F3: variants seen among roughly 807,000 people sequenced by gnomAD.
F3 encodes the protein coagulation factor III, tissue factor, also known as tissue factor.
F3 carries 18 observed loss-of-function variants against 33.5 expected under a neutral mutation model. That is an observed-to-expected ratio of 0.54 (90% CI 0.37 to 0.80). The LOEUF (loss-of-function observed/expected upper bound fraction) is 0.80, where lower values mean the gene tolerates loss of function less well. Ranked by LOEUF, F3 falls within the 30% of genes least tolerant of loss-of-function variation. The pLI is 0.00. For synonymous variants in F3, 147 were observed against 140.7 expected, an observed-to-expected ratio of 1.05 and a Z score of -0.32; for missense variants, 353 against 362.1, an observed-to-expected ratio of 0.97 and a Z score of 0.20.
intron 2 of F3, among the ~76,000 whole-genome samples, chr1:94,537,701 G>A (rs1651655242): frequency 6.6e-6 from 1 of 152,128 alleles, no homozygotes; most frequent in African/African-American, 2.4e-5. Flanking sequence ...AGGCCAAAAG[G>A]ATTTGGGTAA....
intron 2 of F3, among the ~76,000 whole-genome samples, chr1:94,536,604 T>G (rs953772745): frequency 6.6e-6 from 1 of 152,200 alleles, no homozygotes; most frequent in African/African-American, 2.4e-5. Flanking sequence ...GGATCTGTAC[T>G]CAACCATTTT....
intron 1 of F3, chr1:94,540,702 AAG>A (rs1182391574): frequency 1.3e-5 from 3 of 227,944 alleles, no homozygotes; most frequent in Non-Finnish European, 2.5e-5. Flanking sequence ...TCAGCTCAGG[AAG>A]AGTCAGGTTC....
intron 3 of F3, among the ~76,000 whole-genome samples, chr1:94,535,665 C>T (rs1248433307): frequency 1.3e-5 from 2 of 151,980 alleles, no homozygotes; most frequent in Non-Finnish European, 2.9e-5. Flanking sequence ...CCTATCCCTA[C>T]CCGCTTCCCT....
At position 94,541,592 on chromosome 1, in the gene F3, G is replaced by T; in HGVS notation, c.45C>A (p.Ala15=). ...AWPRVPRPET[A]VARTLLLGWV... ...AGCCGAGCAGGAGCGTCCGAGCGAC[G>T]GCGGTCTCGGGGCGCGGGACCCGGG... The change falls in exon 1 of 6, where the codon GCC becomes GCA. Residue 15 remains alanine (A), a synonymous_variant. Transcript: ENST00000334047. 6.8e-7 allele frequency: 1 copy of T among 1,471,678 alleles called. No homozygotes were observed. The highest frequency in any genetic ancestry group is 9.0e-7 in the Non-Finnish European group (1 of 1,109,926). 91.2% of individuals were successfully genotyped at this position (1,471,678 alleles called of 1,614,324 possible).
At chr1:94,535,869 A>G (rs1651587045) in intron 3 of F3, 96 bp downstream of exon 3, 1 of 1,146,788 alleles carries the variant, frequency 8.7e-7, no homozygotes, top group Admixed American at 2.1e-5. Context: ...AAAAGAATAA[A>G]TATTTTTAAT....
chr1:94,535,470 T>C (rs1651574089), intron 3 of F3, among the ~76,000 whole-genome samples: 1 of 151,898 alleles, frequency 6.6e-6, no homozygotes, highest in Non-Finnish European at 1.5e-5. Flanking sequence ...GGCCAACTGA[T>C]TAGAAAAGGT....
At chr1:94,537,305 G>A (rs1452580802) in intron 2 of F3, among the ~76,000 whole-genome samples, 1 of 152,204 alleles carries the variant, frequency 6.6e-6, no homozygotes, top group Non-Finnish European at 1.5e-5. Context: ...CATGGAAAGT[G>A]ACAGTTATGC....
At chr1:94,536,263 A>T in intron 2 of F3, 99 bp from the exon 3 acceptor site, 1 of 1,048,446 alleles carries the variant, frequency 9.5e-7, no homozygotes, top group Non-Finnish European at 1.4e-6. Context: ...TGCTAACATC[A>T]GGAGCCCTAC....
intron 2 of F3, among the ~76,000 whole-genome samples, chr1:94,539,233 T>G (rs1216097436): frequency 6.6e-6 from 1 of 152,072 alleles, no homozygotes; most frequent in South Asian, 2.1e-4. Flanking sequence ...TTCCTTCATC[T>G]TTCTCTCCCC....
intron 2 of F3, among the ~76,000 whole-genome samples, chr1:94,539,968 A>G (rs1363741025): frequency 1.3e-5 from 2 of 152,254 alleles, no homozygotes; most frequent in Middle Eastern, 3.2e-3. Context: ...AGCACACTTC[A>G]GTGCCTACTC....
At position 94,533,134 on chromosome 1, in the gene F3, A is replaced by T; in HGVS notation, c.547T>A (p.Leu183Ile). Reference protein sequence around the residue: ...LSLRDVFGKDLIYTLYYWKSS... With the variant: ...LSLRDVFGKDIIYTLYYWKSS... ...TTCCAATAATAAAGTGTATAAATTAAGTCCTTGCCAAAAACATCCCGGAGG... is the reference window on the plus strand; with the variant it reads ...TTCCAATAATAAAGTGTATAAATTATGTCCTTGCCAAAAACATCCCGGAGG... Residue 183 changes from leucine (L) to isoleucine (I), a missense_variant, in exon 4 of 6, where the codon TTA becomes ATA. By Grantham distance (5) the Leu-to-Ile change is conservative. Transcript: ENST00000334047. 3.1e-6 allele frequency: 5 copies of T among 1,613,778 alleles called. No individual in the cohort carries two copies. The highest frequency in any genetic ancestry group is 4.2e-6 in the Non-Finnish European group (5 of 1,179,924).
intron 2 of F3, among the ~76,000 whole-genome samples, chr1:94,539,845 T>C (rs1651720189): frequency 6.6e-6 from 1 of 152,142 alleles, no homozygotes; most frequent in South Asian, 2.1e-4. Context: ...AATGTATACA[T>C]TGGGATTCCT....
chr1:94,538,663 G>A (rs1294102691), intron 2 of F3, among the ~76,000 whole-genome samples: 1 of 152,198 alleles, frequency 6.6e-6, no homozygotes, highest in East Asian at 1.9e-4. Context: ...CACCATCAGT[G>A]TAGTCATGAA....
At chr1:94,536,780 G>C (rs1030508223) in intron 2 of F3, among the ~76,000 whole-genome samples, 3 of 152,134 alleles carry the variant, frequency 2.0e-5, no homozygotes, top group Non-Finnish European at 4.4e-5. Context: ...ATGTAGAATA[G>C]AGTCTATATA....
At chr1:94,532,002 A>G (rs1006277519) in intron 5 of F3, among the ~76,000 whole-genome samples, 2 of 152,176 alleles carry the variant, frequency 1.3e-5, no homozygotes, top group African/African-American at 4.8e-5. Flanking sequence ...GAAATCTGTG[A>G]CTTGTTGCTA....
Position 94,530,522 on chromosome 1 carries a change from T to C in F3, c.826A>G (p.Lys276Glu). 6.2e-7 allele frequency: 1 copy of C among 1,613,758 alleles called. No homozygotes were observed. Among genetic ancestry groups the C allele is most frequent in the Non-Finnish European group, 8.5e-7 (1 of 1,179,708 alleles). ...TGCCCCACTCCTGCCTTTCTACACT[T>C]GTGTAGAGATATAGCCAGGATGATG... Reference protein sequence around the residue: ...LVIILAISLHKCRKAGVGQSW... With the variant: ...LVIILAISLHECRKAGVGQSW... The change falls in exon 6 of 6, where the codon AAG becomes GAG. Residue 276 changes from lysine to glutamate, a missense_variant. Lys to Glu is a moderately conservative substitution (Grantham distance 56). Transcript: ENST00000334047.
At chr1:94,538,405 T>C (rs1651673420) in intron 2 of F3, among the ~76,000 whole-genome samples, 1 of 152,202 alleles carries the variant, frequency 6.6e-6, no homozygotes, top group Non-Finnish European at 1.5e-5. Flanking sequence ...ACAGCAGTAG[T>C]GTCCTGCGGC....
Position 94,531,448 on chromosome 1 carries a change from C to T in F3, c.752-852G>A, listed in dbSNP as rs182208944. Among the ~76,000 whole-genome samples, 554 of 152,028 alleles carry T rather than the reference C, an allele frequency of 3.6e-3. 5 individuals carry two copies. Among genetic ancestry groups the T allele is most frequent in the Non-Finnish European group, 6.1e-3 (412 of 67,978 alleles). On this transcript the variant is annotated intron_variant, in intron 5 of 5. Transcript: ENST00000334047. ...TCCTGAGTAGCTGGGACTACAGACA[C>T]GTGCAACCACACCCAGCTACTTTTT...
At chr1:94,534,419 G>A (rs944722872) in intron 3 of F3, among the ~76,000 whole-genome samples, 1 of 152,126 alleles carries the variant, frequency 6.6e-6, no homozygotes, top group Non-Finnish European at 1.5e-5. Context: ...TGAGTCAACT[G>A]CATATATCTG....
Sources: gnomAD v4.1 joint callset for allele counts (sites outside exome capture counted in the v4.1 genomes callset) on GRCh38, gnomAD v4.1.1 for gene constraint, MANE v1.5 for transcripts, NCBI Gene and HGNC (gene_info 2026-07-23, HGNC 2026-07-21) for gene names.